Variants in USH2A observed in about 807,000 individuals in gnomAD.
USH2A encodes Usher syndrome 2A (autosomal recessive, mild).
Under a neutral mutation model 538.9 loss-of-function variants are expected in USH2A, and 443 were observed. The observed-to-expected ratio is 0.82, with a 90% CI of 0.76 to 0.89. The LOEUF is 0.89. Among genes scored for constraint, USH2A ranks in the 40% least tolerant of loss-of-function variants. The probability of loss-of-function intolerance (pLI) is 0.00; values close to 1 mark genes in which losing one functional copy is unlikely to be tolerated. For missense variants in USH2A, 6,633 were observed against 6,324.8 expected (o/e 1.05, Z -1.65); for synonymous variants, 2,413 against 2,273.5 (o/e 1.06, Z -1.75).
chr1:216,090,672 C>T (rs533927817), intron 22 of USH2A, among the ~76,000 whole-genome samples: 6 of 152,170 alleles, frequency 3.9e-5, no homozygotes, highest in Non-Finnish European at 7.4e-5. Context: ...ATTTCATTAT[C>T]GTAGTTTAAT....
At chr1:215,885,651 C>T (rs1243646032) in intron 41 of USH2A, among the ~76,000 whole-genome samples, 3 of 152,186 alleles carry the variant, frequency 2.0e-5, no homozygotes, top group Non-Finnish European at 4.4e-5. Flanking sequence ...ATTTGCCTTT[C>T]TCAAGGCTCA....
At chr1:215,860,124 A>G (rs573545780) in intron 44 of USH2A, among the ~76,000 whole-genome samples, 26 of 152,324 alleles carry the variant, frequency 1.7e-4, no homozygotes, top group African/African-American at 6.0e-4. Flanking sequence ...AATGCATCAC[A>G]AAAGCCCTCA....
intron 47 of USH2A, among the ~76,000 whole-genome samples, chr1:215,827,032 T>G (rs114392939): frequency 0.02 from 3,121 of 152,258 alleles, 127 homozygotes; most frequent in African/African-American, 0.072. Context: ...AATTAACTTG[T>G]GAATCTCATG....
intron 9 of USH2A, among the ~76,000 whole-genome samples, chr1:216,309,536 C>T (rs963744284): frequency 6.6e-6 from 1 of 151,996 alleles, no homozygotes; most frequent in African/African-American, 2.4e-5. Flanking sequence ...CCTTTACTGC[C>T]TTATTTTGAA....
chr1:215,631,650 T>C (rs938877811), intron 70 of USH2A, among the ~76,000 whole-genome samples: 1 of 152,228 alleles, frequency 6.6e-6, no homozygotes, highest in African/African-American at 2.4e-5. Context: ...TGCTGAGACC[T>C]GCCTGCAATG....
chr1:216,153,525 T>C (rs1203604291), intron 21 of USH2A, among the ~76,000 whole-genome samples: 2 of 152,216 alleles, frequency 1.3e-5, no homozygotes, highest in African/African-American at 2.4e-5. Context: ...AGAGATCCAG[T>C]GTTAGTAGAT....
At chr1:215,978,845 C>T (rs2102464973) in intron 35 of USH2A, among the ~76,000 whole-genome samples, 1 of 152,238 alleles carries the variant, frequency 6.6e-6, no homozygotes, top group East Asian at 1.9e-4. Flanking sequence ...TGTGAAATAC[C>T]TATGTCTCAG....
At chr1:216,308,374 T>C (rs1478435265) in intron 9 of USH2A, among the ~76,000 whole-genome samples, 1 of 151,956 alleles carries the variant, frequency 6.6e-6, no homozygotes. Flanking sequence ...TTGCCATCTT[T>C]GACAACTTGA....
At chr1:216,163,155 C>A (rs1339957457) in intron 21 of USH2A, among the ~76,000 whole-genome samples, 1 of 151,682 alleles carries the variant, frequency 6.6e-6, no homozygotes, top group African/African-American at 2.4e-5. Flanking sequence ...ATATTTTGTT[C>A]CCAACTTACA....
chr1:216,370,220 T>C (rs2038680236), intron 3 of USH2A, among the ~76,000 whole-genome samples: 1 of 150,482 alleles, frequency 6.6e-6, no homozygotes, highest in Non-Finnish European at 1.5e-5. Flanking sequence ...AATTAGCCAG[T>C]TGTGGTGGTG....
chr1:215,757,775 C>A (rs902415206), intron 58 of USH2A, among the ~76,000 whole-genome samples: 3 of 152,138 alleles, frequency 2.0e-5, no homozygotes, highest in Non-Finnish European at 4.4e-5. Flanking sequence ...GACTAAATGG[C>A]TCAATGAAGG....
chr1:216,250,169 C>T (rs536292028), intron 12 of USH2A, among the ~76,000 whole-genome samples: 9 of 152,056 alleles, frequency 5.9e-5, no homozygotes, highest in African/African-American at 9.6e-5. Context: ...CCTTATGTGG[C>T]GGTGGTTCCC....
At chr1:216,090,781 T>G (rs986285249) in intron 22 of USH2A, among the ~76,000 whole-genome samples, 1 of 152,196 alleles carries the variant, frequency 6.6e-6, no homozygotes, top group Non-Finnish European at 1.5e-5. Context: ...ATGGGATTAC[T>G]AGCATGGGAT....
intron 47 of USH2A, among the ~76,000 whole-genome samples, chr1:215,818,861 A>G (rs12042414): frequency 0.27 from 41,045 of 151,682 alleles, 6,802 homozygotes; most frequent in Admixed American, 0.42. Flanking sequence ...GACAGTAGTT[A>G]AAGTTTTTAA....
chr1:215,774,732 T>C (rs1661408090), intron 55 of USH2A, among the ~76,000 whole-genome samples: 1 of 151,680 alleles, frequency 6.6e-6, no homozygotes, highest in African/African-American at 2.4e-5. Context: ...AGAACTGGAG[T>C]GACAAAACAG....
At chr1:216,231,697 G>A (rs1345139964) in intron 14 of USH2A, among the ~76,000 whole-genome samples, 1 of 151,930 alleles carries the variant, frequency 6.6e-6, no homozygotes, top group Admixed American at 6.6e-5. Context: ...ACAGGTGCAT[G>A]CCACCTTGCC....
chr1:215,630,070 G>T, intron 70 of USH2A: 1 of 512,528 alleles, frequency 2.0e-6, no homozygotes, highest in South Asian at 1.4e-5. Flanking sequence ...TTTCACTCAT[G>T]TTGTTCAGCT....
At chr1:216,215,197 G>T in intron 15 of USH2A, among the ~76,000 whole-genome samples, 1 of 152,140 alleles carries the variant, frequency 6.6e-6, no homozygotes. Context: ...TATTGCTAGT[G>T]GCCCCTAGAA....
intron 11 of USH2A, among the ~76,000 whole-genome samples, chr1:216,287,550 G>C (rs954681003): frequency 6.6e-6 from 1 of 151,814 alleles, no homozygotes; most frequent in Non-Finnish European, 1.5e-5. Flanking sequence ...TTCTTAGTCA[G>C]TTGTTAATTA....
Sources: allele counts gnomAD v4.1 joint callset (sites outside exome capture counted in the v4.1 genomes callset), GRCh38; gene constraint gnomAD v4.1.1; transcripts MANE v1.5; gene names NCBI Gene and HGNC (gene_info 2026-07-23, HGNC 2026-07-21).